Variants in RADX observed in about 807,000 individuals in gnomAD.
The protein encoded by RADX is RPA-related protein RADX.
In RADX, 36 loss-of-function variants were observed where a neutral mutation model predicts 61.6. That is an observed-to-expected ratio of 0.58 (90% CI 0.45 to 0.77). The LOEUF is 0.77. Among genes scored for constraint, RADX ranks in the 30% least tolerant of loss-of-function variants. The probability of loss-of-function intolerance (pLI) is 0.00; values close to 1 mark genes in which losing one functional copy is unlikely to be tolerated. For missense variants in RADX, 497 were observed against 651.1 expected (o/e 0.76, Z 2.58); for synonymous variants, 272 against 237.9 (o/e 1.14, Z -1.32).
In RADX at chrX:106,639,668, C is replaced by G; in HGVS notation, c.1715C>G (p.Ser572Ter). 2 of 1,188,198 alleles carry G rather than the reference C, an allele frequency of 1.7e-6. No individual in the cohort carries two copies. Among genetic ancestry groups the G allele is most frequent in the Non-Finnish European group, 2.3e-6 (2 of 884,907 alleles). The change falls in exon 9 of 14, where the codon TCA (serine) becomes TGA (stop). Residue 572 changes from serine (S) to a stop codon, truncating the protein, a stop_gained. Coordinates refer to ENST00000372548, the MANE Select transcript of RADX (RefSeq NM_018015.6). LOFTEE classifies it high-confidence loss of function. ...IPHSSATESA[S>*]ASETLRNANR... ...CATAGCAGTGCGACTGAAAGTGCCT[C>G]AGCATCAGAAACACTTCGGGTATGG...
chrX:106,612,865 C>A, intron 1 of RADX, 142 bp downstream of exon 1: 1 of 544,411 alleles, frequency 1.8e-6, no homozygotes, highest in Non-Finnish European at 2.8e-6. Context: ...CTTAAATGAC[C>A]AAGGGATGCT....
chrX:106,674,288 C>T (rs1446435672), intron 13 of RADX, among the ~76,000 whole-genome samples: 4 of 111,332 alleles, frequency 3.6e-5, no homozygotes, highest in African/African-American at 1.3e-4. Context: ...GATCTCATTT[C>T]CTTTGGATAC....
rs1387089693 is a variant in RADX, at chrX:106,678,973, G to A, written c.*715G>A. The A allele has an allele frequency of 8.9e-6, 1 of 112,244 alleles. No homozygotes were observed. The highest frequency in any genetic ancestry group is 1.9e-5 in the Non-Finnish European group (1 of 53,132). 9.3% of individuals were successfully genotyped at this position (112,244 alleles called of 1,213,427 possible). A position where few individuals can be genotyped will look rare whatever the true frequency, so the allele number is the denominator to read the frequency against. Reference sequence around the variant, plus strand: ...GGTAGTTTCAGTATATGTAATGTGAGTTTAAATAGTGAAATTGTATCTCAT... The same window carrying A: ...GGTAGTTTCAGTATATGTAATGTGAATTTAAATAGTGAAATTGTATCTCAT... On this transcript the variant is annotated 3_prime_UTR_variant, in exon 14 of 14. Transcript: ENST00000372548.
At chrX:106,622,816 T>C in intron 2 of RADX, 23 bp downstream of exon 2, 1 of 1,008,579 alleles carries the variant, frequency 9.9e-7, no homozygotes, top group Non-Finnish European at 1.3e-6. Flanking sequence ...AGATATCATA[T>C]GTTAATTTAA....
chrX:106,677,499 A>ATTT (rs751692847), intron 13 of RADX, among the ~76,000 whole-genome samples: 1 of 91,703 alleles, frequency 1.1e-5, no homozygotes, highest in Non-Finnish European at 2.2e-5. Flanking sequence ...CACCTGATCC[A>ATTT]TTTTTTTTTT....
chrX:106,635,481 A>G (rs936976386), intron 6 of RADX, among the ~76,000 whole-genome samples: 1 of 111,806 alleles, frequency 8.9e-6, no homozygotes, highest in African/African-American at 3.2e-5. Flanking sequence ...TTTCTTTAAT[A>G]TTCCTGTATC....
intron 3 of RADX, among the ~76,000 whole-genome samples, chrX:106,627,746 T>C (rs1927106594): frequency 8.9e-6 from 1 of 112,105 alleles, no homozygotes; most frequent in South Asian, 3.7e-4. Flanking sequence ...AGACAAATAC[T>C]GTAAGATCTA....
rs775024180 is a variant in RADX at position 106,678,086 on chromosome X, TTAAC to T, written c.2438-39_2438-36del. On this transcript the variant is annotated intron_variant, in intron 13 of 13. Transcript: ENST00000372548. ...TGTGATACTAAAGTCAAGTAAATAT[TTAAC>T]TATTTTACAGTACTTACCATCTGCT... 4.2e-6 allele frequency: 4 copies of T among 941,953 alleles called. No homozygotes were observed. In the Admixed American group the frequency reaches 1.1e-4, roughly 25 times the overall value. The allele number at this position is 941,953 out of a possible 1,213,427, so 77.6% of individuals were successfully genotyped here. A position where few individuals can be genotyped will look rare whatever the true frequency, so the allele number is the denominator to read the frequency against.
Position 106,632,657 on chromosome X carries a change from A to G in RADX, c.1012A>G (p.Asn338Asp). 8.3e-7 allele frequency: 1 copy of G among 1,202,007 alleles called. No individual in the cohort carries two copies. The highest frequency in any genetic ancestry group is 1.1e-6 in the Non-Finnish European group (1 of 888,916). Reference sequence around the variant, plus strand: ...CCTGAATCTTCGAGATCCCCCAACAAATATAATTATCATTCCAGAAAAGCA... The same window carrying G: ...CCTGAATCTTCGAGATCCCCCAACAGATATAATTATCATTCCAGAAAAGCA... ...ICLNLRDPPTNIIIIPEKQVK... is the reference protein window; with the variant it reads ...ICLNLRDPPTDIIIIPEKQVK... Residue 338 changes from asparagine (N) to aspartate (D), a missense_variant, in exon 4 of 14, where the codon AAT becomes GAT. This residue lies in a region of RADX where 196 missense variants were observed against 315.0 expected (regional missense o/e 0.62). Coordinates refer to ENST00000372548, the MANE Select transcript of RADX (RefSeq NM_018015.6).
intron 11 of RADX, 87 bp downstream of exon 11, chrX:106,648,473 A>G (rs1603050665): frequency 3.3e-6 from 2 of 614,260 alleles, no homozygotes; most frequent in East Asian, 7.2e-5. Context: ...AAGCACAAGT[A>G]ATACATGCTT....
intron 10 of RADX, 66 bp from the exon 11 acceptor site, chrX:106,648,247 G>A (rs1927711350): frequency 2.9e-6 from 2 of 678,000 alleles, no homozygotes; most frequent in East Asian, 3.3e-5. Context: ...AATAGAACCA[G>A]TTGATTTGTT....
At chrX:106,661,806 C>T (rs567634725) in intron 11 of RADX, among the ~76,000 whole-genome samples, 75 of 111,711 alleles carry the variant, frequency 6.7e-4, no homozygotes, top group Middle Eastern at 4.6e-3. Flanking sequence ...TAGTATTTTA[C>T]GGTAAAAGTT....
At chrX:106,612,831 A>T in intron 1 of RADX, 108 bp downstream of exon 1, 1 of 784,313 alleles carries the variant, frequency 1.3e-6, no homozygotes, top group Non-Finnish European at 1.8e-6. Context: ...ATTACAAGCC[A>T]GGAGTGGTAG....
intron 12 of RADX, among the ~76,000 whole-genome samples, chrX:106,664,386 C>G (rs994671341): frequency 3.6e-5 from 4 of 110,835 alleles, no homozygotes; most frequent in African/African-American, 1.3e-4. Context: ...GCAGAGAAAA[C>G]AATTACATAG....
At position 106,612,482 on chromosome X, in the gene RADX, C is replaced by A. The variant is rs1462767805; in HGVS notation, c.402C>A (p.Val134=). The change falls in exon 1 of 14, where the codon GTC becomes GTA. Residue 134 remains valine, a synonymous_variant. Transcript: ENST00000372548. ...KVGIQMRISR[V]SCLYNEKRIG... is the part of the protein sequence containing the mutation. ...GCATTCAAATGAGAATTTCCAGGGT[C>A]TCATGTCTTTACAATGAGAAAAGGA... 5.8e-6 allele frequency: 7 copies of A among 1,211,473 alleles called. No individual in the cohort carries two copies. Among genetic ancestry groups the A allele is most frequent in the Non-Finnish European group, 7.8e-6 (7 of 895,285 alleles).
At chrX:106,666,531 G>A (rs1928233738) in intron 12 of RADX, among the ~76,000 whole-genome samples, 1 of 111,892 alleles carries the variant, frequency 8.9e-6, no homozygotes, top group Non-Finnish European at 1.9e-5. Flanking sequence ...AGAAATAATT[G>A]ATCCTGAGCC....
intron 8 of RADX, 181 bp downstream of exon 8, chrX:106,638,105 A>G (rs1222935962): frequency 5.0e-6 from 2 of 403,375 alleles, no homozygotes; most frequent in Admixed American, 4.5e-5. Flanking sequence ...TATTTTCTAT[A>G]TAGTTTTCCC....
At chrX:106,651,420 A>G (rs6652944) in intron 11 of RADX, among the ~76,000 whole-genome samples, 11,906 of 111,174 alleles carry the variant, frequency 0.11, 1,554 homozygotes, top group African/African-American at 0.37. Flanking sequence ...TAAAAGAGTT[A>G]TTACTTGTAG....
rs1293837114 is a variant in RADX, at chrX:106,669,230, A to T, written c.2337A>T (p.Thr779=). The T allele has an allele frequency of 1.7e-6, 2 of 1,194,659 alleles. No individual in the cohort carries two copies. The highest frequency in any genetic ancestry group is 1.7e-5 in the African/African-American group (1 of 57,476). ...TGTATTGTCCAGAAGATATTCGAAC[A>T]TCTCAAATAGACACACTGTTGACCT... ...LPMYCPEDIR[T]SQIDTLLTSM... Residue 779 remains threonine (T), a synonymous_variant, in exon 13 of 14, where the codon ACA becomes ACT. Coordinates refer to ENST00000372548, the MANE Select transcript of RADX (RefSeq NM_018015.6).
Sources: gnomAD v4.1 joint callset for allele counts (sites outside exome capture counted in the v4.1 genomes callset) on GRCh38, gnomAD v4.1.1 for gene constraint, gnomAD v4.1.1 regional missense constraint, MANE v1.5 for transcripts, NCBI Gene and HGNC (gene_info 2026-07-23, HGNC 2026-07-21) for gene names.